Variants in DPP6 observed in about 807,000 individuals in gnomAD.
DPP6 encodes dipeptidyl peptidase like 6, also known as A-type potassium channel modulatory protein DPP6.
In DPP6, 69 loss-of-function variants were observed where a neutral mutation model predicts 122.6. That is an observed-to-expected ratio of 0.56 (90% CI 0.46 to 0.69). DPP6 has a LOEUF of 0.69. Among genes scored for constraint, DPP6 ranks in the 30% least tolerant of loss-of-function variants. The pLI is 0.00. For synonymous variants in DPP6, 418 were observed against 433.1 expected, an observed-to-expected ratio of 0.97 and a Z score of 0.43; for missense variants, 928 against 1,116.9, an observed-to-expected ratio of 0.83 and a Z score of 2.41.
intron 3 of DPP6, among the ~76,000 whole-genome samples, chr7:154,500,848 A>AGGTT (rs1168983589): frequency 1.3e-5 from 2 of 152,216 alleles, no homozygotes; most frequent in Non-Finnish European, 1.5e-5. Context: ...TAACAGGCAG[A>AGGTT]GGTTGGAACA....
At chr7:154,540,868 C>T (rs1009957379) in intron 4 of DPP6, among the ~76,000 whole-genome samples, 5 of 152,070 alleles carry the variant, frequency 3.3e-5, no homozygotes, top group African/African-American at 1.2e-4. Flanking sequence ...ACAAGTGTTG[C>T]ATATCATATA....
the DPP6 span, among the ~76,000 whole-genome samples, chr7:153,878,940 G>A: frequency 1.3e-5 from 2 of 151,780 alleles, no homozygotes; most frequent in African/African-American, 4.8e-5. Context: ...AAGATAAAGA[G>A]AGGAGGAGGG....
intron 1 of DPP6, among the ~76,000 whole-genome samples, chr7:154,328,358 C>T (rs747833555): frequency 6.6e-6 from 1 of 152,094 alleles, no homozygotes; most frequent in African/African-American, 2.4e-5. Context: ...CATCCCGAAG[C>T]AGGGAAGTAA....
At chr7:154,685,334 A>G (rs1456337546) in intron 7 of DPP6, among the ~76,000 whole-genome samples, 1 of 152,244 alleles carries the variant, frequency 6.6e-6, no homozygotes, top group Non-Finnish European at 1.5e-5. Flanking sequence ...TTATGGTGGC[A>G]GATGATTGTT....
intron 1 of DPP6, among the ~76,000 whole-genome samples, chr7:154,086,019 C>G (rs535096834): frequency 6.6e-6 from 1 of 152,054 alleles, no homozygotes; most frequent in South Asian, 2.1e-4. Context: ...AGCCACCGCA[C>G]CCAGCCAGCA....
chr7:154,444,037 G>C (rs1819638649), intron 1 of DPP6, among the ~76,000 whole-genome samples: 1 of 152,124 alleles, frequency 6.6e-6, no homozygotes, highest in African/African-American at 2.4e-5. Flanking sequence ...TCTGAATGTG[G>C]GGAGCCAAAT....
intron 7 of DPP6, among the ~76,000 whole-genome samples, chr7:154,700,556 G>C (rs1470148934): frequency 1.3e-5 from 2 of 152,226 alleles, no homozygotes; most frequent in Non-Finnish European, 2.9e-5. Flanking sequence ...TGTTGCACGT[G>C]ATTTTCTTGG....
intron 3 of DPP6, among the ~76,000 whole-genome samples, chr7:154,515,461 T>C (rs965977811): frequency 1.3e-5 from 2 of 152,020 alleles, no homozygotes; most frequent in Non-Finnish European, 2.9e-5. Context: ...AGTTCCTTCC[T>C]ACCTTCCTTC....
chr7:154,810,206 G>A (rs1393178540), intron 16 of DPP6, among the ~76,000 whole-genome samples: 1 of 152,166 alleles, frequency 6.6e-6, no homozygotes, highest in Admixed American at 6.5e-5. Flanking sequence ...ACAGCTCCCT[G>A]CTAAGTTCAA....
At chr7:153,768,629 C>G in the DPP6 span, among the ~76,000 whole-genome samples, 325 of 152,208 alleles carry the variant, frequency 2.1e-3, no homozygotes, top group African/African-American at 7.2e-3. Flanking sequence ...ATATTAAACA[C>G]TTATGCTTAT....
chr7:154,454,372 T>G (rs966211719), intron 2 of DPP6, among the ~76,000 whole-genome samples: 5 of 152,232 alleles, frequency 3.3e-5, no homozygotes, highest in African/African-American at 1.2e-4. Flanking sequence ...TTGTTAATAC[T>G]AATCGAGACT....
chr7:153,925,606 A>T (rs916254339), intron 1 of DPP6, among the ~76,000 whole-genome samples: 2 of 151,404 alleles, frequency 1.3e-5, no homozygotes, highest in African/African-American at 4.9e-5. Context: ...ATGGGAGATC[A>T]TCCTGCATGG....
At chr7:154,163,569 T>C (rs1417124690) in intron 1 of DPP6, among the ~76,000 whole-genome samples, 1 of 152,182 alleles carries the variant, frequency 6.6e-6, no homozygotes, top group Non-Finnish European at 1.5e-5. Flanking sequence ...ATACGCACTG[T>C]AGTTCAAATG....
At chr7:154,480,717 C>G (rs1752597267) in intron 3 of DPP6, among the ~76,000 whole-genome samples, 1 of 152,134 alleles carries the variant, frequency 6.6e-6, no homozygotes, top group Admixed American at 6.5e-5. Context: ...CAAACCTTCT[C>G]TCAAATCTCT....
At chr7:154,073,446 C>T (rs1302083398) in intron 1 of DPP6, among the ~76,000 whole-genome samples, 1 of 152,264 alleles carries the variant, frequency 6.6e-6, no homozygotes, top group African/African-American at 2.4e-5. Flanking sequence ...TTCCGCAGCC[C>T]CTGGACCTAT....
At chr7:153,818,372 T>A in the DPP6 span, among the ~76,000 whole-genome samples, 5 of 152,176 alleles carry the variant, frequency 3.3e-5, no homozygotes, top group East Asian at 9.7e-4. Flanking sequence ...TTCATTTACA[T>A]ATTAAAACAT....
chr7:154,446,347 GA>G lies in DPP6; in HGVS notation c.358+23del. 1 of 1,581,084 alleles carries G rather than the reference GA, an allele frequency of 6.3e-7. No individual in the cohort carries two copies. Among genetic ancestry groups the G allele is most frequent in the African/African-American group, 1.4e-5 (1 of 74,024 alleles). ...ACACCAGGTACTGTATTCATTCTTG[GA>G]AAAGCAAGTCGCTGTCAGAGAGAAA... On this transcript the variant is annotated intron_variant, in intron 2 of 25. Coordinates refer to ENST00000377770, the MANE Select transcript of DPP6 (RefSeq NM_130797.4).
chr7:154,488,758 G>C (rs1424242790), intron 3 of DPP6, among the ~76,000 whole-genome samples: 1 of 152,136 alleles, frequency 6.6e-6, no homozygotes, highest in Non-Finnish European at 1.5e-5. Context: ...ACACAGGCAT[G>C]AAGCTATGTC....
intron 1 of DPP6, among the ~76,000 whole-genome samples, chr7:154,194,063 T>G (rs1321032152): frequency 6.6e-6 from 1 of 152,204 alleles, no homozygotes; most frequent in Non-Finnish European, 1.5e-5. Context: ...GCTGTTAAAC[T>G]TCAGAGAAAA....
Sources: gnomAD v4.1 joint callset for allele counts (sites outside exome capture counted in the v4.1 genomes callset) on GRCh38, gnomAD v4.1.1 for gene constraint, MANE v1.5 for transcripts, NCBI Gene and HGNC (gene_info 2026-07-23, HGNC 2026-07-21) for gene names.